The following DGKB variants were observed in gnomAD, a reference collection of about 807,000 sequenced individuals.
DGKB encodes 90 kDa diacylglycerol kinase.
A neutral mutation model predicts 114.3 loss-of-function variants in DGKB; 67 were observed. That is an observed-to-expected ratio of 0.59 (90% CI 0.48 to 0.72). The LOEUF (loss-of-function observed/expected upper bound fraction) is 0.72, where lower values mean the gene tolerates loss of function less well. Among genes scored for constraint, DGKB ranks in the 30% least tolerant of loss-of-function variants. The pLI, the probability that DGKB is intolerant of heterozygous loss-of-function variation, is 0.00. For missense variants in DGKB, 907 were observed against 975.2 expected, an observed-to-expected ratio of 0.93 and a Z score of 0.93; for synonymous variants, 398 against 323.1, an observed-to-expected ratio of 1.23 and a Z score of -2.49.
In DGKB at chr7:14,146,445, C is replaced by A. The variant is rs1019863713; in HGVS notation, c.*2686G>T. 6.6e-6 allele frequency: 1 copy of A among 152,208 alleles called. No individual in the cohort carries two copies. The highest frequency in any genetic ancestry group is 1.5e-5 in the Non-Finnish European group (1 of 68,008). 9.4% of individuals were successfully genotyped at this position (152,208 alleles called of 1,614,324 possible). On this transcript the variant is annotated 3_prime_UTR_variant, in exon 26 of 26. Transcript: ENST00000402815. ...TTATGTCTCCTATATTAAAAGAGGG[C>A]GACTCAATAGCTGAAAATTTATCTG...
At chr7:14,251,450 T>C (rs1322577837) in intron 23 of DGKB, among the ~76,000 whole-genome samples, 3 of 152,176 alleles carry the variant, frequency 2.0e-5, no homozygotes, top group Non-Finnish European at 4.4e-5. Context: ...TTATATTATG[T>C]ATCCATTCAC....
intron 23 of DGKB, among the ~76,000 whole-genome samples, chr7:14,235,097 T>C (rs1242910470): frequency 1.3e-5 from 2 of 152,082 alleles, no homozygotes; most frequent in East Asian, 3.9e-4. Flanking sequence ...TCTCAGGTAT[T>C]AGACCTGAGT....
At chr7:14,267,528 G>A (rs1797692321) in intron 23 of DGKB, among the ~76,000 whole-genome samples, 1 of 148,896 alleles carries the variant, frequency 6.7e-6, no homozygotes, top group African/African-American at 2.5e-5. Context: ...TGGCTCTGTT[G>A]CCCAGGCTGG....
Position 14,468,687 on chromosome 7 carries a change from CAAT to C in DGKB, c.1835+9471_1835+9473del, listed in dbSNP as rs542657778. Reference sequence around the variant, plus strand: ...TTGCGTGTAGGCATACAAGCTACAACAATGAGTAGAAATTTTTTCTAAAAGTGG... The same window carrying C: ...TTGCGTGTAGGCATACAAGCTACAACGAGTAGAAATTTTTTCTAAAAGTGG... On this transcript the variant is annotated intron_variant, in intron 21 of 25. Transcript: ENST00000402815. 8.7e-4 allele frequency among the ~76,000 whole-genome samples: 132 copies of C among 151,860 alleles called. 2 individuals are homozygous for C. Among genetic ancestry groups the C allele is most frequent in the African/African-American group, 2.9e-3 (119 of 41,422 alleles).
At chr7:14,961,537 A>C (rs1248895671) in intron 1 of DGKB, among the ~76,000 whole-genome samples, 1 of 152,088 alleles carries the variant, frequency 6.6e-6, no homozygotes, top group Non-Finnish European at 1.5e-5. Flanking sequence ...CCAGATCTGA[A>C]AAGTGTGGTT....
chr7:14,231,383 C>G (rs905256697), intron 23 of DGKB, among the ~76,000 whole-genome samples: 1 of 151,920 alleles, frequency 6.6e-6, no homozygotes, highest in African/African-American at 2.4e-5. Flanking sequence ...AGCCATCCAC[C>G]TGCCTTGGCC....
At chr7:14,909,344 T>A (rs1056317113) in intron 1 of DGKB, among the ~76,000 whole-genome samples, 1 of 152,164 alleles carries the variant, frequency 6.6e-6, no homozygotes, top group Admixed American at 6.5e-5. Flanking sequence ...GAGGGGTTGT[T>A]TTGTGCAATG....
chr7:14,707,335 A>C (rs1243803398), intron 6 of DGKB, among the ~76,000 whole-genome samples: 1 of 150,334 alleles, frequency 6.7e-6, no homozygotes, highest in Non-Finnish European at 1.5e-5. Flanking sequence ...ATAGTTTACC[A>C]ACCAAAAAGA....
intron 20 of DGKB, among the ~76,000 whole-genome samples, chr7:14,517,511 A>G (rs921373357): frequency 1.3e-4 from 20 of 152,228 alleles, no homozygotes; most frequent in African/African-American, 4.8e-4. Context: ...AAAAGAAACT[A>G]TCAATAGAGT....
chr7:14,287,314 C>A (rs966108481), intron 23 of DGKB, among the ~76,000 whole-genome samples: 2 of 152,004 alleles, frequency 1.3e-5, no homozygotes, highest in South Asian at 4.2e-4. Context: ...TTAATGGGTT[C>A]TCGGGTTCTA....
chr7:14,903,158 GTCTC>G (rs1311848569), upstream of DGKB: 3 of 152,022 alleles, frequency 2.0e-5, no homozygotes, highest in Non-Finnish European at 4.4e-5. Flanking sequence ...CTCTTCTTCA[GTCTC>G]TCTTAGTCCT....
chr7:14,279,524 G>A (rs935086535), intron 23 of DGKB, among the ~76,000 whole-genome samples: 2 of 152,226 alleles, frequency 1.3e-5, no homozygotes, highest in African/African-American at 2.4e-5. Flanking sequence ...CCAGTACGCA[G>A]CTGGAGATGA....
chr7:14,182,948 T>A (rs1782853787), intron 23 of DGKB, among the ~76,000 whole-genome samples: 1 of 152,178 alleles, frequency 6.6e-6, no homozygotes, highest in Non-Finnish European at 1.5e-5. Context: ...TAAACCCCTT[T>A]GTGCAGAGTG....
chr7:14,273,152 G>A (rs141023099), intron 23 of DGKB, among the ~76,000 whole-genome samples: 14 of 152,050 alleles, frequency 9.2e-5, no homozygotes, highest in African/African-American at 3.1e-4. Flanking sequence ...TGAAACCAGC[G>A]TGGGCAATAT....
At chr7:14,172,802 A>C (rs1781201826) in intron 25 of DGKB, among the ~76,000 whole-genome samples, 3 of 152,216 alleles carry the variant, frequency 2.0e-5, no homozygotes, top group African/African-American at 4.8e-5. Context: ...ATACAAAATA[A>C]AATCTTACCT....
intron 5 of DGKB, among the ~76,000 whole-genome samples, chr7:14,726,598 G>A (rs12540121): frequency 3.9e-5 from 6 of 152,064 alleles, no homozygotes; most frequent in African/African-American, 1.4e-4. Flanking sequence ...ACATTTGAAA[G>A]AAAATTAGAA....
chr7:14,968,819 G>T (rs1787306672), intron 1 of DGKB, among the ~76,000 whole-genome samples: 1 of 152,094 alleles, frequency 6.6e-6, no homozygotes, highest in Non-Finnish European at 1.5e-5. Flanking sequence ...TAAATCACAG[G>T]TAATTTAATG....
At chr7:14,841,100 G>T in intron 2 of DGKB, 94 bp downstream of exon 2, 1 of 1,135,616 alleles carries the variant, frequency 8.8e-7, no homozygotes, top group Non-Finnish European at 1.3e-6. Flanking sequence ...CTATCCCCAT[G>T]AAGAACAGGA....
rs888288958 is a variant in DGKB at position 14,157,833 on chromosome 7, A to G, written c.2305-8595T>C. Among the ~76,000 whole-genome samples the G allele has an allele frequency of 7.9e-5, 12 of 152,190 alleles. No individual in the cohort carries two copies. In the South Asian group the frequency reaches 8.3e-4, roughly 11 times the overall value. The stretch of plus-strand genomic sequence containing the variant: ...AGAGTATCTCCAAATCTGTGGTCAC[A>G]TGGAAAATAGAAGTCAAAAACATAA... On this transcript the variant is annotated intron_variant, in intron 25 of 25. Transcript: ENST00000402815.
Sources: allele counts gnomAD v4.1 joint callset (sites outside exome capture counted in the v4.1 genomes callset), GRCh38; gene constraint gnomAD v4.1.1; transcripts MANE v1.5; gene names NCBI Gene and HGNC (gene_info 2026-07-23, HGNC 2026-07-21).